Variants in PTPRS observed in about 807,000 individuals in gnomAD.
PTPRS encodes protein tyrosine phosphatase receptor type S, also known as receptor-type tyrosine-protein phosphatase S.
PTPRS carries 63 observed loss-of-function variants against 215.3 expected under a neutral mutation model. The ratio of observed to expected loss-of-function variants is 0.29; its 90% CI spans 0.24 to 0.36. PTPRS has a LOEUF of 0.36. Among genes scored for constraint, PTPRS ranks in the 10% least tolerant of loss-of-function variants. The probability of loss-of-function intolerance (pLI) is 1.00; values close to 1 mark genes in which losing one functional copy is unlikely to be tolerated. For missense variants in PTPRS, 2,258 were observed against 2,825.8 expected, an observed-to-expected ratio of 0.80 and a Z score of 4.56; for synonymous variants, 1,404 against 1,191.4, an observed-to-expected ratio of 1.18 and a Z score of -3.68.
chr19:5,332,760 T>G (rs1322226067), intron 1 of PTPRS, among the ~76,000 whole-genome samples: 1 of 152,236 alleles, frequency 6.6e-6, no homozygotes, highest in East Asian at 1.9e-4. Context: ...TGACAGATGT[T>G]CCAAGAAGCA....
intron 1 of PTPRS, among the ~76,000 whole-genome samples, chr19:5,333,127 G>A (rs890863845): frequency 2.6e-5 from 4 of 151,354 alleles, no homozygotes; most frequent in African/African-American, 4.9e-5. Context: ...CCAGCCTGGC[G>A]ACAGAGCAAG....
At chr19:5,234,319 A>C (rs917865214) in intron 13 of PTPRS, among the ~76,000 whole-genome samples, 2 of 151,992 alleles carry the variant, frequency 1.3e-5, no homozygotes, top group African/African-American at 4.8e-5. Flanking sequence ...GCCAGATAGA[A>C]TGTCAAGGGC....
At position 5,340,793 on chromosome 19, in the gene PTPRS, G is replaced by A. The variant is rs2051088115; in HGVS notation, c.-224C>T. Reference sequence around the variant, plus strand: ...GCGCGCCGGCCGGGCTGCCGGGCGGGCGGCGCGAGGACACTCACTGCGGCT... The same window carrying A: ...GCGCGCCGGCCGGGCTGCCGGGCGGACGGCGCGAGGACACTCACTGCGGCT... On this transcript the variant is annotated 5_prime_UTR_variant, in exon 1 of 38. Coordinates refer to ENST00000262963, the MANE Select transcript of PTPRS (RefSeq NM_002850.4). The A allele has an allele frequency of 6.7e-6, 1 of 149,194 alleles. No individual in the cohort carries two copies. The highest frequency in any genetic ancestry group is 2.4e-5 in the African/African-American group (1 of 41,058). 9.2% of individuals were successfully genotyped at this position (149,194 alleles called of 1,614,324 possible).
intron 1 of PTPRS, among the ~76,000 whole-genome samples, chr19:5,303,842 T>C (rs889761791): frequency 3.3e-4 from 49 of 148,842 alleles, no homozygotes; most frequent in African/African-American, 1.1e-3. Context: ...TCCCAGCTAC[T>C]CAGGAGGCTG....
At chr19:5,330,419 G>C (rs1465887829) in intron 1 of PTPRS, among the ~76,000 whole-genome samples, 4 of 152,226 alleles carry the variant, frequency 2.6e-5, no homozygotes, top group Non-Finnish European at 5.9e-5. Context: ...CGGAGCATTA[G>C]CGGCCCCCAC....
intron 1 of PTPRS, among the ~76,000 whole-genome samples, chr19:5,333,606 G>A (rs1041507425): frequency 1.3e-5 from 2 of 151,562 alleles, no homozygotes; most frequent in South Asian, 4.2e-4. Context: ...TCTTGTTTCC[G>A]CCCCCCTCAC....
chr19:5,308,440 G>A (rs1303568662), intron 1 of PTPRS, among the ~76,000 whole-genome samples: 4 of 152,152 alleles, frequency 2.6e-5, no homozygotes, highest in Non-Finnish European at 5.9e-5. Context: ...CCCAGCATGG[G>A]GCCAAGCAAA....
intron 1 of PTPRS, among the ~76,000 whole-genome samples, chr19:5,336,075 T>C (rs1266989644): frequency 1.3e-5 from 2 of 151,442 alleles, no homozygotes; most frequent in African/African-American, 4.9e-5. Context: ...GGCCTGTCCG[T>C]GAATCACTCC....
rs528490806 is a variant in PTPRS, at chr19:5,311,972, G to A, written c.-94-25738C>T. On this transcript the variant is annotated intron_variant, in intron 1 of 37. Transcript: ENST00000262963. ...GGAGAATGGCGTGAACCCGGGAGGC[G>A]GAGCTTGCAGTGAGCCGAGATCGTG... is the stretch of plus-strand genomic sequence containing the variant. Among the ~76,000 whole-genome samples the A allele has an allele frequency of 3.9e-5, 6 of 152,032 alleles. No homozygotes were observed. In the East Asian group the frequency reaches 5.8e-4, roughly 15 times the overall value.
Position 5,210,681 on chromosome 19 carries a change from G to A in PTPRS, c.5359C>T (p.Arg1787Trp). The A allele has an allele frequency of 1.2e-6, 2 of 1,614,100 alleles. No homozygotes were observed. The highest frequency in any genetic ancestry group is 1.1e-5 in the South Asian group (1 of 91,086). Residue 1787 changes from arginine (R) to tryptophan (W), a missense_variant and splice_region_variant, in exon 34 of 38, where the codon CGG (arginine) becomes TGG (tryptophan). Arg to Trp is a moderately radical substitution (Grantham distance 101). Coordinates refer to ENST00000262963, the MANE Select transcript of PTPRS (RefSeq NM_002850.4). The surrounding 1 kb of genome is among the most constrained non-coding windows in gnomAD (Gnocchi z 4.5). ...VMLTKLREMGREKCHQYWPAE... is the reference protein window; with the variant it reads ...VMLTKLREMGWEKCHQYWPAE... ...CCCTGCTGTGGCCCCTAGCTCACCC[G>A]GCCCATCTCCCGCAGCTTGGTCAGC...
Position 5,265,077 on chromosome 19 carries a change from T to C in PTPRS, c.499A>G (p.Thr167Ala). ...ACAGGCAGGAAGTCCTTGAACCAGG[T>C]GATCTCAGGGTCAGGGTTGCCGCTG... The part of the protein sequence containing the change: ...AASGNPDPEI[T>A]WFKDFLPVDP... Residue 167 changes from threonine to alanine, a missense_variant, in exon 5 of 38, where the codon ACC becomes GCC. By Grantham distance (58) the Thr-to-Ala change is moderately conservative (BLOSUM62 0). Transcript: ENST00000262963. 1 of 1,614,140 alleles carries C rather than the reference T, an allele frequency of 6.2e-7. No homozygotes were observed. Among genetic ancestry groups the C allele is most frequent in the Non-Finnish European group, 8.5e-7 (1 of 1,180,014 alleles).
At chr19:5,256,224 G>T in intron 8 of PTPRS, 105 bp from the exon 9 acceptor site, 1 of 839,462 alleles carries the variant, frequency 1.2e-6, no homozygotes, top group Non-Finnish European at 1.7e-6. Context: ...AAGGCTAAAA[G>T]CTGCAATAGT....
At chr19:5,208,153 G>C in intron 36 of PTPRS, 84 bp downstream of exon 36, 1 of 1,566,682 alleles carries the variant, frequency 6.4e-7, no homozygotes, top group Non-Finnish European at 8.7e-7. Context: ...CAGCCCAGAT[G>C]GGACAGCCTA....
chr19:5,292,577 C>A (rs1196851119), intron 1 of PTPRS, among the ~76,000 whole-genome samples: 2 of 152,150 alleles, frequency 1.3e-5, no homozygotes, highest in African/African-American at 4.8e-5. Flanking sequence ...GAGGCCAAGC[C>A]CCCCAGTTTC....
intron 1 of PTPRS, among the ~76,000 whole-genome samples, chr19:5,328,385 C>T (rs1018064262): frequency 1.3e-5 from 2 of 151,890 alleles, no homozygotes; most frequent in Non-Finnish European, 2.9e-5. Context: ...GCTGGGATTA[C>T]AGGCGTGCAC....
chr19:5,222,725 G>A lies in PTPRS; in HGVS notation c.3067C>T (p.Pro1023Ser), dbSNP rs752821383. 111 of 1,596,092 alleles carry A rather than the reference G, an allele frequency of 7.0e-5. No homozygotes were observed. The highest frequency in any genetic ancestry group is 5.0e-4 in the South Asian group (45 of 90,778). Reference protein sequence around the residue: ...HTRRGPGPFSPPVRYRTFLRD... With the variant: ...HTRRGPGPFSSPVRYRTFLRD... ...AGGAACGTCCGGTAGCGGACGGGGGGGCTGAAGGGGCCAGGGCCCCGGCGC... is the reference window on the plus strand; with the variant it reads ...AGGAACGTCCGGTAGCGGACGGGGGAGCTGAAGGGGCCAGGGCCCCGGCGC... Residue 1023 changes from proline (P) to serine (S), a missense_variant, in exon 18 of 38, where the codon CCC becomes TCC. This residue lies in a region of PTPRS where 361 missense variants were observed against 332.6 expected (regional missense o/e 1.09). Coordinates refer to ENST00000262963, the MANE Select transcript of PTPRS (RefSeq NM_002850.4).
chr19:5,249,327 TAAACAAAC>T (rs542926147), intron 9 of PTPRS, among the ~76,000 whole-genome samples: 13 of 151,892 alleles, frequency 8.6e-5, no homozygotes, highest in Non-Finnish European at 1.5e-4. Flanking sequence ...AATAAATAAA[TAAACAAAC>T]AAACAAACAA....
chr19:5,260,773 G>GTT, intron 7 of PTPRS, 32 bp downstream of exon 7: 1 of 1,613,182 alleles, frequency 6.2e-7, no homozygotes, highest in Non-Finnish European at 8.5e-7. Context: ...AAGAGCGAGC[G>GTT]TGAGTGGGTG....
intron 2 of PTPRS, among the ~76,000 whole-genome samples, chr19:5,279,044 G>C (rs901768187): frequency 4.0e-5 from 6 of 151,692 alleles, no homozygotes; most frequent in Non-Finnish European, 1.5e-5. Context: ...AAATCAGCCA[G>C]GCGTGGTGGT....
Sources: gnomAD v4.1 joint callset for allele counts (sites outside exome capture counted in the v4.1 genomes callset) on GRCh38, gnomAD v4.1.1 for gene constraint, gnomAD v4.1.1 regional missense constraint, Gnocchi (gnomAD v3.1) non-coding constraint, MANE v1.5 for transcripts, NCBI Gene and HGNC (gene_info 2026-07-23, HGNC 2026-07-21) for gene names.